The following PYY variants were observed in gnomAD, a reference collection of about 807,000 sequenced individuals.
The protein encoded by PYY is peptide YY, also known as peptide tyrosine tyrosine.
Under a neutral mutation model 10.3 loss-of-function variants are expected in PYY, and 12 were observed. The observed-to-expected ratio is 1.17, with a 90% confidence interval of 0.75 to 1.89. PYY has a LOEUF of 1.89. Among genes scored for constraint, PYY ranks in the 40% most tolerant of loss-of-function variants. The pLI is 0.00. For synonymous variants in PYY, 66 were observed against 62.0 expected (o/e 1.06, Z -0.30); for missense variants, 141 against 134.0 (o/e 1.05, Z -0.26).
At chr17:43,955,221 G>A (rs1486244851), upstream of PYY, among the ~76,000 whole-genome samples, 1 of 152,152 alleles carries the variant, frequency 6.6e-6, no homozygotes, top group African/African-American at 2.4e-5. Flanking sequence ...GCTGTGGGAA[G>A]GTCTCCCCAT....
chr17:43,999,249 G>A (rs1235238657), intron 1 of PYY, among the ~76,000 whole-genome samples: 1 of 152,052 alleles, frequency 6.6e-6, no homozygotes, highest in Admixed American at 6.6e-5. Flanking sequence ...GGTCACTGGT[G>A]ACCTTGACAG....
chr17:43,982,845 T>A (rs1321671986), intron 1 of PYY, among the ~76,000 whole-genome samples: 1 of 152,158 alleles, frequency 6.6e-6, no homozygotes, highest in Non-Finnish European at 1.5e-5. Flanking sequence ...GAGGGTTTCT[T>A]CTTCAGATGA....
intron 1 of PYY, among the ~76,000 whole-genome samples, chr17:43,976,430 T>TAC (rs889092112): frequency 4.0e-5 from 6 of 150,080 alleles, no homozygotes; most frequent in South Asian, 4.2e-4. Context: ...TATACATATA[T>TAC]ACACATATAC....
At chr17:43,998,725 C>T (rs565157354) in intron 1 of PYY, among the ~76,000 whole-genome samples, 25 of 152,250 alleles carry the variant, frequency 1.6e-4, no homozygotes, top group Non-Finnish European at 2.5e-4. Context: ...TGAGTCACTA[C>T]GCCCAGCTGA....
At chr17:43,972,489 T>A (rs908456048) in intron 1 of PYY, among the ~76,000 whole-genome samples, 1 of 151,854 alleles carries the variant, frequency 6.6e-6, no homozygotes. Context: ...GCACTGGGAT[T>A]ACAGGCGTGA....
At chr17:43,969,212 A>G (rs997678502) in intron 1 of PYY, among the ~76,000 whole-genome samples, 1 of 151,544 alleles carries the variant, frequency 6.6e-6, no homozygotes, top group Non-Finnish European at 1.5e-5. Context: ...AGGCTGGTTC[A>G]ATATTCAAAA....
intron 1 of PYY, among the ~76,000 whole-genome samples, chr17:44,000,588 A>T (rs1285773442): frequency 2.6e-5 from 3 of 116,674 alleles, no homozygotes; most frequent in African/African-American, 3.2e-5. Context: ...TTTTTTTGAG[A>T]CTGAGTCTTG....
At chr17:43,958,844 A>T (rs2048693165), upstream of PYY, among the ~76,000 whole-genome samples, 1 of 152,238 alleles carries the variant, frequency 6.6e-6, no homozygotes, top group African/African-American at 2.4e-5. Flanking sequence ...TTGTCATTGT[A>T]ATCATATAAT....
chr17:44,000,723 A>AT (rs34630347), intron 1 of PYY, among the ~76,000 whole-genome samples: 2,110 of 143,460 alleles, frequency 0.015, 50 homozygotes, highest in African/African-American at 0.051. Context: ...TAATTTTTGT[A>AT]TTTTTTTTTT....
upstream of PYY, chr17:43,958,135 C>CAAAAAAAAAAAAAAAAAAAAAAAAA (rs10661189): frequency 6.1e-3 from 290 of 47,252 alleles, 64 homozygotes; most frequent in South Asian, 0.011. Context: ...CTGAATACAC[C>CAAAAAAAAAAAAAAAAAAAAAAAAA]AAAAAAAAAA....
intron 1 of PYY, among the ~76,000 whole-genome samples, chr17:43,989,266 C>T (rs1355826635): frequency 1.3e-5 from 2 of 151,860 alleles, no homozygotes; most frequent in Non-Finnish European, 2.9e-5. Context: ...CCCAGCTACT[C>T]GGGAGGCTGA....
intron 1 of PYY, among the ~76,000 whole-genome samples, chr17:43,992,809 GC>G (rs1398643544): frequency 6.6e-6 from 1 of 152,058 alleles, no homozygotes; most frequent in Non-Finnish European, 1.5e-5. Flanking sequence ...TCACTTGATG[GC>G]CATGTGACCA....
chr17:43,957,757 C>T (rs189501243), upstream of PYY, among the ~76,000 whole-genome samples: 2 of 152,186 alleles, frequency 1.3e-5, no homozygotes, highest in Admixed American at 1.3e-4. Flanking sequence ...TCATGTCTTT[C>T]CCAGTGCGCT....
intron 1 of PYY, among the ~76,000 whole-genome samples, chr17:43,970,626 A>G (rs1474462744): frequency 1.3e-5 from 2 of 152,214 alleles, no homozygotes; most frequent in Non-Finnish European, 2.9e-5. Context: ...TTTTTGACCA[A>G]AGTGCAAAGA....
chr17:43,961,137 G>C (rs2048709719), intron 2 of PYY, among the ~76,000 whole-genome samples: 1 of 151,696 alleles, frequency 6.6e-6, no homozygotes, highest in Non-Finnish European at 1.5e-5. Flanking sequence ...GAGGTGGGAG[G>C]ATCGCTTGAG....
At chr17:43,961,140 C>A (rs144494832) in intron 2 of PYY, among the ~76,000 whole-genome samples, 8 of 151,920 alleles carry the variant, frequency 5.3e-5, no homozygotes, top group Admixed American at 4.6e-4. Context: ...GTGGGAGGAT[C>A]GCTTGAGCCT....
intron 2 of PYY, among the ~76,000 whole-genome samples, chr17:43,959,652 A>G (rs2048698291): frequency 6.6e-6 from 1 of 152,264 alleles, no homozygotes; most frequent in South Asian, 2.1e-4. Flanking sequence ...ACAGCGCTCC[A>G]GCCTGGGTGA....
chr17:43,980,608 G>C (rs1328696095), intron 1 of PYY, among the ~76,000 whole-genome samples: 1 of 151,558 alleles, frequency 6.6e-6, no homozygotes, highest in Non-Finnish European at 1.5e-5. Flanking sequence ...GGAGTAGCTG[G>C]GATTACAGGT....
intron 1 of PYY, among the ~76,000 whole-genome samples, chr17:43,989,899 TAC>T (rs377459470): frequency 1.7e-5 from 1 of 58,720 alleles, no homozygotes; most frequent in African/African-American, 7.0e-5. Context: ...TATATATATA[TAC>T]ACACAAATCT....
Sources: gnomAD v4.1 joint callset for allele counts (sites outside exome capture counted in the v4.1 genomes callset) on GRCh38, gnomAD v4.1.1 for gene constraint, MANE v1.5 for transcripts, NCBI Gene and HGNC (gene_info 2026-07-23, HGNC 2026-07-21) for gene names.